GALNT14: variants seen among roughly 807,000 people sequenced by gnomAD.
GALNT14 encodes the protein UDP-GalNAc:polypeptide N-acetylgalactosaminyltransferase 14.
Under a neutral mutation model 77.5 loss-of-function variants are expected in GALNT14, and 60 were observed. The observed-to-expected ratio is 0.77, with a 90% confidence interval of 0.63 to 0.96. The LOEUF is 0.96. GALNT14 is among the 40% of genes least tolerant of loss of function. The pLI, the probability that GALNT14 is intolerant of heterozygous loss-of-function variation, is 0.00. For missense variants in GALNT14, 710 were observed against 731.0 expected, an observed-to-expected ratio of 0.97 and a Z score of 0.33; for synonymous variants, 280 against 281.7, an observed-to-expected ratio of 0.99 and a Z score of 0.06.
chr2:30,982,115 T>G (rs4952017), intron 2 of GALNT14, among the ~76,000 whole-genome samples: 106,521 of 152,020 alleles, frequency 0.7, 37,467 homozygotes, highest in South Asian at 0.83. Flanking sequence ...TCAAGAAACT[T>G]AGGAAAATGT....
At chr2:31,079,748 G>A (rs943563651) in intron 1 of GALNT14, among the ~76,000 whole-genome samples, 2 of 152,140 alleles carry the variant, frequency 1.3e-5, no homozygotes, top group African/African-American at 2.4e-5. Context: ...TATCAGATAA[G>A]AGCACCCCAC....
At chr2:31,134,404 A>G (rs1006724124) in intron 1 of GALNT14, among the ~76,000 whole-genome samples, 1 of 152,240 alleles carries the variant, frequency 6.6e-6, no homozygotes, top group African/African-American at 2.4e-5. Flanking sequence ...AGCTGTCCCC[A>G]TGATTACACG....
intron 11 of GALNT14, 123 bp downstream of exon 11, chr2:30,929,271 GC>G (rs1417000935): frequency 3.0e-6 from 2 of 671,108 alleles, no homozygotes; most frequent in Admixed American, 5.1e-5. Flanking sequence ...AGAAGCCACA[GC>G]CTTGGGCCCT....
At chr2:30,999,267 T>C (rs1670218813) in intron 1 of GALNT14, among the ~76,000 whole-genome samples, 1 of 152,152 alleles carries the variant, frequency 6.6e-6, no homozygotes, top group Non-Finnish European at 1.5e-5. Context: ...CACTCCAACC[T>C]TAAAGAACTG....
intron 13 of GALNT14, 44 bp from the exon 14 acceptor site, chr2:30,912,386 G>A: frequency 6.2e-7 from 1 of 1,607,490 alleles, no homozygotes; most frequent in Non-Finnish European, 8.5e-7. Flanking sequence ...GATCCAGGAA[G>A]CCACCACTCG....
intron 1 of GALNT14, among the ~76,000 whole-genome samples, chr2:31,053,164 G>A (rs1196632911): frequency 2.0e-5 from 3 of 152,136 alleles, no homozygotes; most frequent in African/African-American, 7.2e-5. Context: ...ATATGCCTGT[G>A]CTGGTGTTCC....
chr2:31,083,349 G>T (rs1043307682), intron 1 of GALNT14, among the ~76,000 whole-genome samples: 8 of 152,210 alleles, frequency 5.3e-5, no homozygotes, highest in African/African-American at 1.9e-4. Flanking sequence ...TTTGTTGTAT[G>T]AGGATCATGG....
At chr2:30,912,145 C>A in intron 14 of GALNT14, 78 bp downstream of exon 14, 7 of 1,541,038 alleles carry the variant, frequency 4.5e-6, no homozygotes, top group Non-Finnish European at 3.5e-6. Flanking sequence ...CTCTCTTTTC[C>A]TGCTCATCAG....
At chr2:31,104,415 TCCCAAAGACAAGGA>T (rs1677447383) in intron 1 of GALNT14, among the ~76,000 whole-genome samples, 1 of 152,124 alleles carries the variant, frequency 6.6e-6, no homozygotes, top group Non-Finnish European at 1.5e-5. Context: ...AGTGCATGCC[TCCCAAAGACAAGGA>T]CCCTTCTCCT....
At chr2:31,122,463 G>C (rs1042463757) in intron 1 of GALNT14, among the ~76,000 whole-genome samples, 5 of 152,240 alleles carry the variant, frequency 3.3e-5, no homozygotes, top group African/African-American at 1.2e-4. Flanking sequence ...TGTGGAGTAT[G>C]ATTCACACAG....
At chr2:30,915,499 G>A (rs944484747) in intron 13 of GALNT14, among the ~76,000 whole-genome samples, 21 of 152,182 alleles carry the variant, frequency 1.4e-4, no homozygotes, top group African/African-American at 4.6e-4. Context: ...GGGAGGAGAA[G>A]CAGGAAACAG....
chr2:31,099,820 C>T (rs747839491), intron 1 of GALNT14, among the ~76,000 whole-genome samples: 6 of 151,598 alleles, frequency 4.0e-5, no homozygotes, highest in South Asian at 2.1e-4. Context: ...TATCTAGTAG[C>T]GCCAGTCACC....
intron 1 of GALNT14, among the ~76,000 whole-genome samples, chr2:31,042,470 GGTCTGCA>G (rs1488682946): frequency 6.6e-6 from 1 of 152,032 alleles, no homozygotes; most frequent in African/African-American, 2.4e-5. Context: ...CATAGTGTGG[GGTCTGCA>G]GTCACCCTGG....
chr2:30,995,625 T>C (rs1669983541), intron 1 of GALNT14, among the ~76,000 whole-genome samples: 1 of 152,160 alleles, frequency 6.6e-6, no homozygotes, highest in Non-Finnish European at 1.5e-5. Flanking sequence ...CCCAAGTAGC[T>C]GGGATCACAA....
At chr2:30,994,818 G>A (rs1669920923) in intron 1 of GALNT14, among the ~76,000 whole-genome samples, 1 of 152,186 alleles carries the variant, frequency 6.6e-6, no homozygotes, top group African/African-American at 2.4e-5. Context: ...CTAGAGAAGA[G>A]CGATGTGGAG....
chr2:30,923,002 A>T (rs1665125220), intron 13 of GALNT14, among the ~76,000 whole-genome samples: 1 of 151,860 alleles, frequency 6.6e-6, no homozygotes, highest in Non-Finnish European at 1.5e-5. Context: ...TACCCGCCAG[A>T]AGGGTATGAG....
chr2:30,963,019 C>T (rs990927619), intron 3 of GALNT14, among the ~76,000 whole-genome samples: 2 of 152,148 alleles, frequency 1.3e-5, no homozygotes, highest in Non-Finnish European at 2.9e-5. Flanking sequence ...TTGATATAAG[C>T]TCCTGGTTGT....
At chr2:31,085,919 T>C (rs1676406544) in intron 1 of GALNT14, among the ~76,000 whole-genome samples, 1 of 152,200 alleles carries the variant, frequency 6.6e-6, no homozygotes, top group Admixed American at 6.5e-5. Flanking sequence ...AGGACAGGAC[T>C]TACATGGCGA....
chr2:31,037,960 A>G (rs905946781), intron 1 of GALNT14, among the ~76,000 whole-genome samples: 1 of 151,014 alleles, frequency 6.6e-6, no homozygotes, highest in African/African-American at 2.4e-5. Flanking sequence ...ACTTGTGTGC[A>G]TGGCATTCTA....
Sources: allele counts gnomAD v4.1 joint callset (sites outside exome capture counted in the v4.1 genomes callset), GRCh38; gene constraint gnomAD v4.1.1; transcripts MANE v1.5; gene names NCBI Gene and HGNC (gene_info 2026-07-23, HGNC 2026-07-21).